The following TRPC6 variants were observed in gnomAD, a reference collection of about 807,000 sequenced individuals.
TRPC6 encodes transient receptor potential cation channel subfamily C member 6.
In TRPC6, 55 loss-of-function variants were observed where a neutral mutation model predicts 90.7. That is an observed-to-expected ratio of 0.61 (90% CI 0.49 to 0.76). The LOEUF is 0.76. Ranked by LOEUF, TRPC6 falls within the 30% of genes least tolerant of loss-of-function variation. The pLI is 0.00. For missense variants in TRPC6, 989 were observed against 1,122.7 expected (o/e 0.88, Z 1.70); for synonymous variants, 393 against 393.0 (o/e 1.00, Z 0.00).
chr11:101,557,384 G>A (rs1445370935), intron 1 of TRPC6, among the ~76,000 whole-genome samples: 1 of 151,948 alleles, frequency 6.6e-6, no homozygotes, highest in African/African-American at 2.4e-5. Context: ...TCAAATATGA[G>A]AAGCCCACAG....
intron 1 of TRPC6, among the ~76,000 whole-genome samples, chr11:101,564,150 T>C (rs894875678): frequency 6.6e-6 from 1 of 152,202 alleles, no homozygotes; most frequent in Non-Finnish European, 1.5e-5. Context: ...ATTGTATGAA[T>C]ACTCTTTAAT....
At chr11:101,549,324 A>T (rs1861400536) in intron 1 of TRPC6, among the ~76,000 whole-genome samples, 1 of 151,956 alleles carries the variant, frequency 6.6e-6, no homozygotes, top group Non-Finnish European at 1.5e-5. Context: ...GAGGATGGTC[A>T]GCTATATGAA....
intron 1 of TRPC6, among the ~76,000 whole-genome samples, chr11:101,543,497 C>G (rs189718212): frequency 2.8e-4 from 43 of 152,184 alleles, no homozygotes; most frequent in African/African-American, 9.1e-4. Flanking sequence ...GTAACCAAAA[C>G]AGCATGGTAC....
chr11:101,541,496 G>A (rs572920272), intron 1 of TRPC6, among the ~76,000 whole-genome samples: 9 of 151,268 alleles, frequency 5.9e-5, no homozygotes. Flanking sequence ...CAAGTAGCTG[G>A]GATTACAGGC....
intron 3 of TRPC6, among the ~76,000 whole-genome samples, chr11:101,489,535 G>GTA (rs1336469097): frequency 6.6e-6 from 1 of 151,944 alleles, no homozygotes; most frequent in Non-Finnish European, 1.5e-5. Context: ...ATTCCCGTTT[G>GTA]TATATGGCTC....
At chr11:101,453,807 C>G in intron 11 of TRPC6, 82 bp from the exon 12 acceptor site, 2 of 1,357,276 alleles carry the variant, frequency 1.5e-6, no homozygotes, top group East Asian at 4.6e-5. Context: ...TCAGAGTCTT[C>G]CTCCCTGTAG....
chr11:101,476,525 C>T lies in TRPC6; in HGVS notation c.1520G>A (p.Trp507Ter). The change falls in exon 6 of 13, where the codon TGG becomes TAG. Residue 507 changes from tryptophan (W) to a stop codon, truncating the protein, a stop_gained. Coordinates refer to ENST00000344327, the MANE Select transcript of TRPC6 (RefSeq NM_004621.6). LOFTEE classifies it high-confidence loss of function. The part of the protein sequence containing the change: ...LIISWVIGMI[W>*]AECKEIWTQG... ...AGTCCAGATTTCTTTACATTCAGCCCATATCATGCCTGCATCAGAAAGGGG... is the reference window on the plus strand; with the variant it reads ...AGTCCAGATTTCTTTACATTCAGCCTATATCATGCCTGCATCAGAAAGGGG... 1 of 1,613,540 alleles carries T rather than the reference C, an allele frequency of 6.2e-7. No homozygotes were observed. The highest frequency in any genetic ancestry group is 1.1e-5 in the South Asian group (1 of 91,070).
At chr11:101,456,273 C>T (rs1858880931) in intron 10 of TRPC6, among the ~76,000 whole-genome samples, 2 of 152,174 alleles carry the variant, frequency 1.3e-5, no homozygotes, top group Non-Finnish European at 2.9e-5. Context: ...ATAACCTTGT[C>T]TGACAATGAA....
intron 1 of TRPC6, among the ~76,000 whole-genome samples, chr11:101,551,964 G>C (rs1346340752): frequency 6.6e-6 from 1 of 152,012 alleles, no homozygotes; most frequent in Non-Finnish European, 1.5e-5. Flanking sequence ...GGGGCTTGGG[G>C]AACTGATACA....
intron 1 of TRPC6, among the ~76,000 whole-genome samples, chr11:101,569,057 C>T (rs1015931931): frequency 6.6e-6 from 1 of 152,064 alleles, no homozygotes; most frequent in Non-Finnish European, 1.5e-5. Flanking sequence ...TTAAAAGACA[C>T]AGAATGGCAA....
chr11:101,511,574 A>C (rs1402134829), intron 1 of TRPC6, among the ~76,000 whole-genome samples: 1 of 152,144 alleles, frequency 6.6e-6, no homozygotes, highest in Non-Finnish European at 1.5e-5. Context: ...TAAATATAAT[A>C]TTTTATATTC....
chr11:101,536,119 C>T (rs1861038638), intron 1 of TRPC6, among the ~76,000 whole-genome samples: 1 of 152,176 alleles, frequency 6.6e-6, no homozygotes, highest in Admixed American at 6.5e-5. Context: ...AAGCTCAGTG[C>T]CTCACGCCTG....
chr11:101,536,138 A>G (rs1455303367), intron 1 of TRPC6, among the ~76,000 whole-genome samples: 1 of 152,200 alleles, frequency 6.6e-6, no homozygotes. Flanking sequence ...TGTAATCCCA[A>G]CACTTTGGGA....
At chr11:101,487,590 C>T (rs1859705866) in intron 4 of TRPC6, among the ~76,000 whole-genome samples, 1 of 151,842 alleles carries the variant, frequency 6.6e-6, no homozygotes, top group African/African-American at 2.4e-5. Context: ...TGTCCATGTA[C>T]ACACATTATT....
chr11:101,528,403 T>C (rs144525053), intron 1 of TRPC6, among the ~76,000 whole-genome samples: 40 of 152,334 alleles, frequency 2.6e-4, no homozygotes, highest in Middle Eastern at 3.4e-3. Context: ...GCAAACCTCA[T>C]TGGCACTGTC....
In TRPC6 at chr11:101,452,830, T is replaced by C. The variant is rs1858793455; in HGVS notation, c.*125A>G. The C allele has an allele frequency of 6.2e-6, 7 of 1,127,586 alleles. No homozygotes were observed. The highest frequency in any genetic ancestry group is 9.1e-6 in the Non-Finnish European group (7 of 766,666). 69.8% of individuals were successfully genotyped at this position (1,127,586 alleles called of 1,614,324 possible). ...GATACTAGGGCTCCAGATGATAGGATGGCCCAAGTTATTTAACGTTTTCTT... is the reference window on the plus strand; with the variant it reads ...GATACTAGGGCTCCAGATGATAGGACGGCCCAAGTTATTTAACGTTTTCTT... On this transcript the variant is annotated 3_prime_UTR_variant, in exon 13 of 13. Coordinates refer to ENST00000344327, the MANE Select transcript of TRPC6 (RefSeq NM_004621.6).
chr11:101,572,656 C>T (rs1184880599), intron 1 of TRPC6, among the ~76,000 whole-genome samples: 1 of 152,164 alleles, frequency 6.6e-6, no homozygotes, highest in African/African-American at 2.4e-5. Context: ...GGCACATATA[C>T]ACCATGGAAT....
chr11:101,453,087 C>G lies in TRPC6; in HGVS notation c.2664G>C (p.Lys888Asn), dbSNP rs763350697. The G allele has an allele frequency of 6.2e-7, 1 of 1,613,332 alleles. No individual in the cohort carries two copies. The highest frequency in any genetic ancestry group is 8.5e-7 in the Non-Finnish European group (1 of 1,179,792). ...EVNEGELKEI[K>N]QDISSLRYEL... is the part of the protein sequence containing the mutation. ...CATAGCGGAGACTTGAGATGTCCTG[C>G]TTAATTTCCTTCAGTTCCCCTTTGA... Residue 888 changes from lysine (K) to asparagine (N), a missense_variant, in exon 13 of 13, where the codon AAG becomes AAC. Lys to Asn is a moderately conservative substitution (Grantham distance 94). Transcript: ENST00000344327.
chr11:101,583,268 C>G lies in TRPC6; in HGVS notation c.170+66G>C, dbSNP rs1324855173. ...ACGCGCGCGGACGGACTCGGCCACT[C>G]CTGCGAGCGCACAACCTCCCTCCGC... On this transcript the variant is annotated intron_variant, in intron 1 of 12. Coordinates refer to ENST00000344327, the MANE Select transcript of TRPC6 (RefSeq NM_004621.6). 90 of 1,520,752 alleles carry G rather than the reference C, an allele frequency of 5.9e-5. 2 individuals carry two copies. The South Asian group carries it at 1.0e-3, about 17-fold the overall frequency. The allele number at this position is 1,520,752 out of a possible 1,614,324, so 94.2% of individuals were successfully genotyped here.
Sources: allele counts gnomAD v4.1 joint callset (sites outside exome capture counted in the v4.1 genomes callset), GRCh38; gene constraint gnomAD v4.1.1; transcripts MANE v1.5; gene names NCBI Gene and HGNC (gene_info 2026-07-23, HGNC 2026-07-21).